DUOX1: variants seen among roughly 807,000 people sequenced by gnomAD.
DUOX1 encodes NADPH thyroid oxidase 1.
Under a neutral mutation model 181.8 loss-of-function variants are expected in DUOX1, and 134 were observed. That is an observed-to-expected ratio of 0.74 (90% CI 0.64 to 0.85). The LOEUF (loss-of-function observed/expected upper bound fraction) is 0.85, where lower values mean the gene tolerates loss of function less well. Ranked by LOEUF, DUOX1 falls within the 40% of genes least tolerant of loss-of-function variation. The pLI, the probability that DUOX1 is intolerant of heterozygous loss-of-function variation, is 0.00. For missense variants in DUOX1, 1,814 were observed against 2,064.4 expected (o/e 0.88, Z 2.35); for synonymous variants, 798 against 832.5 (o/e 0.96, Z 0.71).
rs1410608993 is a variant in DUOX1 at position 45,158,032 on chromosome 15, A to ACCC, written c.3702+2103_3702+2104insCCC. On this transcript the variant is annotated intron_variant, in intron 28 of 33. Coordinates refer to ENST00000389037, the MANE Select transcript of DUOX1 (RefSeq NM_175940.3). ...AGTATAGACTAGACCCTGGGGAAGGATGGCCAGGCTTCTGATCCAGGCAGA... is the reference window on the plus strand; with the variant it reads ...AGTATAGACTAGACCCTGGGGAAGGACCCTGGCCAGGCTTCTGATCCAGGCAGA... 6.6e-3 allele frequency among the ~76,000 whole-genome samples: 997 copies of ACCC among 152,200 alleles called. 12 individuals carry two copies. The highest frequency in any genetic ancestry group is 0.021 in the African/African-American group (885 of 41,528).
intron 9 of DUOX1, among the ~76,000 whole-genome samples, chr15:45,137,511 G>T (rs1896356075): frequency 1.3e-5 from 2 of 151,944 alleles, no homozygotes; most frequent in Non-Finnish European, 2.9e-5. Flanking sequence ...AATAATCTCT[G>T]GGGTATGCCT....
chr15:45,141,520 G>A (rs1407337240), intron 14 of DUOX1, 110 bp downstream of exon 14: 1 of 1,230,708 alleles, frequency 8.1e-7, no homozygotes, highest in Non-Finnish European at 1.2e-6. Context: ...CTCCAAGAGG[G>A]GAGTGAGCTG....
chr15:45,151,197 GC>G lies in DUOX1; in HGVS notation c.2967del (p.Met990TrpfsTer17). 1 of 1,614,208 alleles carries G rather than the reference GC, an allele frequency of 6.2e-7. No individual in the cohort carries two copies. The highest frequency in any genetic ancestry group is 8.5e-7 in the Non-Finnish European group (1 of 1,180,026). ...GAGTTGACACCTCAGAGACTGCAGT[GC>G]CCCATGGACACAGACCCTCCCCAGG... Reference protein sequence around the residue: ...ETELTPQRLQCPMDTDPPQEI... With the variant: ...ETELTPQRLQXPMDTDPPQEI... On this transcript the variant is annotated frameshift_variant, in exon 23 of 34. Coordinates refer to ENST00000389037, the MANE Select transcript of DUOX1 (RefSeq NM_175940.3). LOFTEE classifies it high-confidence loss of function.
At position 45,148,003 on chromosome 15, in the gene DUOX1, T is replaced by C; in HGVS notation, c.2642+6T>C. ...GAGTTCATCAGGATGCTGAGGTTTG[T>C]TCTCTGGGACAGCCAGGAGAATGGG... On this transcript the variant is annotated splice_donor_region_variant and intron_variant, in intron 20 of 33. Transcript: ENST00000389037. 4 of 1,611,866 alleles carry C rather than the reference T, an allele frequency of 2.5e-6. No individual in the cohort carries two copies. The highest frequency in any genetic ancestry group is 3.4e-6 in the Non-Finnish European group (4 of 1,177,950).
In DUOX1 at chr15:45,135,088, C is replaced by T. The variant is rs570965561; in HGVS notation, c.308-16C>T. The T allele has an allele frequency of 1.5e-5, 24 of 1,613,158 alleles. No individual in the cohort carries two copies. In the South Asian group the frequency reaches 2.4e-4, roughly 16 times the overall value. ...CCCTCTGCTTGCCCTAGCACCCCCT[C>T]CTGCACTGCCCGCAGGCTATCACGT... On this transcript the variant is annotated splice_polypyrimidine_tract_variant and intron_variant, in intron 4 of 33. Transcript: ENST00000389037.
rs994912616 is a variant in DUOX1 at position 45,135,843 on chromosome 15, C to T, written c.759C>T (p.Phe253=). The T allele has an allele frequency of 2.1e-6, 3 of 1,424,316 alleles. No individual in the cohort carries two copies. The highest frequency in any genetic ancestry group is 2.8e-6 in the Non-Finnish European group (3 of 1,055,144). The allele number at this position is 1,424,316 out of a possible 1,614,324, so 88.2% of individuals were successfully genotyped here. ...PFLQALGLLW[F]RYHNLWAQRL... ...TGCAGGCGCTGGGCCTGCTCTGGTT[C>T]CGCTACCACAACCTGTGGGCGCAGA... Residue 253 remains phenylalanine (F), a synonymous_variant, in exon 7 of 34, where the codon TTC becomes TTT. Transcript: ENST00000389037.
intron 12 of DUOX1, among the ~76,000 whole-genome samples, chr15:45,140,256 A>G (rs1482335192): frequency 2.0e-5 from 3 of 152,184 alleles, no homozygotes; most frequent in Non-Finnish European, 2.9e-5. Flanking sequence ...AAATTATTGG[A>G]AAGTGGGGAT....
chr15:45,153,838 G>A, intron 26 of DUOX1, 113 bp from the exon 27 acceptor site: 1 of 980,396 alleles, frequency 1.0e-6, no homozygotes, highest in Non-Finnish European at 1.6e-6. Context: ...AGTGAGCCAA[G>A]ATCATGCCAC....
chr15:45,140,579 C>T (rs1896464083), intron 12 of DUOX1: 2 of 253,766 alleles, frequency 7.9e-6, no homozygotes, highest in Non-Finnish European at 1.5e-5. Flanking sequence ...TTCTGCCATT[C>T]AACTTTTGCA....
At chr15:45,135,439 C>T (rs944666099) in intron 5 of DUOX1, 35 bp from the exon 6 acceptor site, 337 of 1,537,750 alleles carry the variant, frequency 2.2e-4, no homozygotes, top group Non-Finnish European at 2.7e-4. Flanking sequence ...CGCCGCCGCC[C>T]ATCGACCCGG....
intron 2 of DUOX1, among the ~76,000 whole-genome samples, chr15:45,133,657 C>T (rs1467359809): frequency 1.3e-5 from 2 of 152,228 alleles, no homozygotes; most frequent in Admixed American, 1.3e-4. Flanking sequence ...GCCATGTCTC[C>T]CCCACTGAGC....
At position 45,152,947 on chromosome 15, in the gene DUOX1, G is replaced by A. The variant is rs978515339; in HGVS notation, c.3424+431G>A. On this transcript the variant is annotated intron_variant, in intron 25 of 33. Coordinates refer to ENST00000389037, the MANE Select transcript of DUOX1 (RefSeq NM_175940.3). ...TTAGAGGTCAGAAGTCCAGGCCGGC[G>A]CGGCGGCTTATGCCCCTAATCCCAG... is the stretch of plus-strand genomic sequence containing the variant. The A allele has an allele frequency of 4.8e-5, 15 of 315,456 alleles. No homozygotes were observed. In the Admixed American group the frequency reaches 4.8e-4, roughly 10 times the overall value. The allele number at this position is 315,456 out of a possible 1,614,324, so 19.5% of individuals were successfully genotyped here.
chr15:45,132,132 C>T (rs1275739057), intron 2 of DUOX1, 108 bp downstream of exon 2: 2 of 977,494 alleles, frequency 2.0e-6, no homozygotes, highest in Non-Finnish European at 3.0e-6. Context: ...TCTTTAGTCT[C>T]TAGCTGACAC....
chr15:45,152,000 C>T lies in DUOX1; in HGVS notation c.3141C>T (p.Cys1047=), dbSNP rs200963983. Residue 1047 remains cysteine (C), a synonymous_variant, in exon 24 of 34, where the codon TGC becomes TGT. Coordinates refer to ENST00000389037, the MANE Select transcript of DUOX1 (RefSeq NM_175940.3). ...AGAACTACCGGCGCCACATCGGCTG[C>T]GTGGCCGTGTTCTACGCCATCGCTG... ...FIENYRRHIG[C]VAVFYAIAGG... is the part of the protein sequence containing the mutation. 22 of 1,614,026 alleles carry T rather than the reference C, an allele frequency of 1.4e-5. No homozygotes were observed. The highest frequency in any genetic ancestry group is 8.9e-5 in the East Asian group (4 of 44,882).
intron 16 of DUOX1, 114 bp from the exon 17 acceptor site, chr15:45,143,922 G>A: frequency 2.0e-6 from 2 of 993,350 alleles, no homozygotes; most frequent in Non-Finnish European, 3.1e-6. Context: ...TACCCCAGAA[G>A]GGGACAATGA....
chr15:45,148,595 A>G (rs1036556921), intron 21 of DUOX1, 148 bp downstream of exon 21: 2 of 715,688 alleles, frequency 2.8e-6, no homozygotes, highest in African/African-American at 3.6e-5. Context: ...TAATGTATCC[A>G]ATCTGGATTG....
At chr15:45,146,319 T>C (rs1263246646) in intron 18 of DUOX1, among the ~76,000 whole-genome samples, 3 of 152,232 alleles carry the variant, frequency 2.0e-5, no homozygotes, top group East Asian at 1.9e-4. Context: ...TTAAAGTCAT[T>C]TGAGGACAAA....
At position 45,163,675 on chromosome 15, in the gene DUOX1, G is replaced by T. The variant is rs756922124; in HGVS notation, c.4392G>T (p.Arg1464Ser). Residue 1464 changes from arginine to serine, a missense_variant, in exon 32 of 34, where the codon AGG becomes AGT. Arg to Ser is a moderately radical substitution (Grantham distance 110). Around this residue, in one of 5 missense-constraint regions of DUOX1, gnomAD observed 124 missense variants for 125.7 expected, o/e 0.99. Transcript: ENST00000389037. ...ITQLAEKFDL[R>S]TTMLYICERH... Reference sequence around the variant, plus strand: ...AGCTGGCTGAGAAGTTCGACCTCAGGACCACTATGCTGGTATGTCAGGGCC... The same window carrying T: ...AGCTGGCTGAGAAGTTCGACCTCAGTACCACTATGCTGGTATGTCAGGGCC... 1.2e-6 allele frequency: 2 copies of T among 1,614,098 alleles called. No homozygotes were observed. The highest frequency in any genetic ancestry group is 1.7e-4 in the Middle Eastern group (1 of 6,060).
chr15:45,165,048 A>G lies in DUOX1; in HGVS notation c.*147A>G. 8 of 863,964 alleles carry G rather than the reference A, an allele frequency of 9.3e-6. No homozygotes were observed. Among genetic ancestry groups the G allele is most frequent in the Non-Finnish European group, 1.3e-5 (7 of 557,846 alleles). The allele number at this position is 863,964 out of a possible 1,614,324, so 53.5% of individuals were successfully genotyped here. On this transcript the variant is annotated 3_prime_UTR_variant, in exon 34 of 34. Transcript: ENST00000389037. ...TTCCAGGTGGCCATAGTCAGTCACC[A>G]TGTGTGGGCTCAGGGACCCCCAGGA...
Sources: allele counts gnomAD v4.1 joint callset (sites outside exome capture counted in the v4.1 genomes callset), GRCh38; gene constraint gnomAD v4.1.1; regional missense constraint gnomAD v4.1.1; transcripts MANE v1.5; gene names NCBI Gene and HGNC (gene_info 2026-07-23, HGNC 2026-07-21).